Variants in RDH12 observed in about 807,000 individuals in gnomAD.
The protein encoded by RDH12 is retinol dehydrogenase 12.
RDH12 carries 21 observed loss-of-function variants against 34.0 expected under a neutral mutation model. The observed-to-expected ratio is 0.62, with a 90% CI of 0.44 to 0.89. The LOEUF (loss-of-function observed/expected upper bound fraction) is 0.89, where lower values mean the gene tolerates loss of function less well. Ranked by LOEUF, RDH12 falls within the 40% of genes least tolerant of loss-of-function variation. The probability of loss-of-function intolerance (pLI) is 0.00; values close to 1 mark genes in which losing one functional copy is unlikely to be tolerated. For synonymous variants in RDH12, 198 were observed against 169.9 expected (o/e 1.17, Z -1.29); for missense variants, 394 against 398.6 (o/e 0.99, Z 0.10).
intron 8 of RDH12, chr14:67,729,785 A>T (rs368925818): frequency 3.2e-5 from 16 of 500,678 alleles, no homozygotes; most frequent in Non-Finnish European, 6.4e-5. Flanking sequence ...TTCGGTGTGA[A>T]CTCTGTCCCT....
At chr14:67,711,582 G>A (rs2038009026) in intron 1 of RDH12, among the ~76,000 whole-genome samples, 1 of 152,090 alleles carries the variant, frequency 6.6e-6, no homozygotes, top group South Asian at 2.1e-4. Flanking sequence ...GAAACATTGT[G>A]TACACAACAC....
chr14:67,709,379 A>G (rs1433081134), intron 1 of RDH12, among the ~76,000 whole-genome samples: 1 of 152,196 alleles, frequency 6.6e-6, no homozygotes, highest in African/African-American at 2.4e-5. Context: ...TTTATAAACA[A>G]TCTATAACAT....
chr14:67,716,475 G>A (rs961822962), intron 1 of RDH12, among the ~76,000 whole-genome samples: 41 of 152,202 alleles, frequency 2.7e-4, no homozygotes, highest in Non-Finnish European at 5.1e-4. Flanking sequence ...GAAATGTTAC[G>A]CTTCTTGATT....
intron 1 of RDH12, among the ~76,000 whole-genome samples, chr14:67,712,246 C>T (rs978573959): frequency 6.7e-6 from 1 of 148,700 alleles, no homozygotes; most frequent in Admixed American, 6.8e-5. Context: ...TTAACTGGAT[C>T]TCTGAGCTCT....
At chr14:67,728,631 A>G (rs1199110330) in intron 7 of RDH12, among the ~76,000 whole-genome samples, 1 of 151,148 alleles carries the variant, frequency 6.6e-6, no homozygotes, top group Non-Finnish European at 1.5e-5. Flanking sequence ...GAAATAATAC[A>G]TTTAAAGCAT....
intron 1 of RDH12, among the ~76,000 whole-genome samples, chr14:67,713,330 GT>G (rs1460165645): frequency 7.4e-6 from 1 of 135,124 alleles, no homozygotes; most frequent in Non-Finnish European, 1.5e-5. Flanking sequence ...CCATAAAGGA[GT>G]TACCTGCTTT....
rs139269878 is a variant in RDH12 at position 67,712,792 on chromosome 14, C to T, written c.-274-8056C>T. On this transcript the variant is annotated intron_variant, in intron 1 of 8. Transcript: ENST00000551171. Reference sequence around the variant, plus strand: ...AGGCAGAACTTTAGCTATTGAACTACAGGGTGAGGTGACAGCCATTGCTTT... The same window carrying T: ...AGGCAGAACTTTAGCTATTGAACTATAGGGTGAGGTGACAGCCATTGCTTT... Among the ~76,000 whole-genome samples the T allele has an allele frequency of 1.7e-3, 255 of 152,224 alleles. 2 individuals carry two copies. Among genetic ancestry groups the T allele is most frequent in the African/African-American group, 5.2e-3 (217 of 41,538 alleles).
chr14:67,711,578 T>C (rs574792224), intron 1 of RDH12, among the ~76,000 whole-genome samples: 1 of 152,352 alleles, frequency 6.6e-6, no homozygotes, highest in Admixed American at 6.5e-5. Context: ...TAGTGAAACA[T>C]TGTGTACACA....
chr14:67,722,790 G>C (rs929733030), intron 3 of RDH12, 80 bp downstream of exon 3: 2 of 1,177,394 alleles, frequency 1.7e-6, no homozygotes, highest in African/African-American at 1.5e-5. Flanking sequence ...TGAAAGAAGA[G>C]AAAGGGAAGG....
At chr14:67,717,103 T>C (rs2038077271) in intron 1 of RDH12, among the ~76,000 whole-genome samples, 3 of 152,124 alleles carry the variant, frequency 2.0e-5, no homozygotes, top group Non-Finnish European at 1.5e-5. Context: ...CATGTATATA[T>C]ATCATTCATT....
At chr14:67,703,677 T>A (rs548214672) in intron 1 of RDH12, among the ~76,000 whole-genome samples, 1 of 152,260 alleles carries the variant, frequency 6.6e-6, no homozygotes, top group South Asian at 2.1e-4. Flanking sequence ...ACCCAGTATG[T>A]CTTTTTTTAT....
chr14:67,727,523 C>T (rs1443124036), intron 7 of RDH12: 1 of 335,544 alleles, frequency 3.0e-6, no homozygotes, highest in Non-Finnish European at 5.7e-6. Flanking sequence ...GCTCTTGTCG[C>T]CCAGGCTGGA....
intron 8 of RDH12, among the ~76,000 whole-genome samples, chr14:67,732,307 G>T (rs1267441285): frequency 6.6e-6 from 1 of 151,260 alleles, no homozygotes; most frequent in Non-Finnish European, 1.5e-5. Flanking sequence ...GCATTGTGGT[G>T]CATGCCTGTA....
intron 3 of RDH12, among the ~76,000 whole-genome samples, chr14:67,723,408 A>T (rs2038147925): frequency 6.6e-6 from 1 of 152,048 alleles, no homozygotes; most frequent in Non-Finnish European, 1.5e-5. Flanking sequence ...TACTTTTTAA[A>T]TTTTTTGTGG....
intron 1 of RDH12, chr14:67,706,402 A>G (rs1270387318): frequency 6.6e-6 from 1 of 152,188 alleles, no homozygotes; most frequent in Non-Finnish European, 1.5e-5. Flanking sequence ...CAGCCTTCGG[A>G]GGGCCTGACA....
intron 4 of RDH12, 113 bp from the exon 5 acceptor site, chr14:67,724,986 T>G: frequency 8.1e-7 from 1 of 1,231,124 alleles, no homozygotes; most frequent in Non-Finnish European, 1.2e-6. Context: ...ACTCTACCGT[T>G]GAAGGATGGC....
intron 1 of RDH12, among the ~76,000 whole-genome samples, chr14:67,718,928 G>A (rs761820139): frequency 2.6e-5 from 4 of 152,162 alleles, no homozygotes; most frequent in African/African-American, 7.2e-5. Context: ...AAAATGATAC[G>A]GTTTTCAACA....
intron 7 of RDH12, 40 bp from the exon 8 acceptor site, chr14:67,729,151 A>C (rs753564958): frequency 5.4e-5 from 87 of 1,601,468 alleles, no homozygotes; most frequent in Non-Finnish European, 7.1e-5. Context: ...TCCTGGGCTC[A>C]GAGTGTGTCC....
At chr14:67,722,982 A>G (rs2038142792) in intron 3 of RDH12, among the ~76,000 whole-genome samples, 1 of 152,174 alleles carries the variant, frequency 6.6e-6, no homozygotes, top group Non-Finnish European at 1.5e-5. Flanking sequence ...TGACTCTGTC[A>G]AGTAGCTCAA....
Sources: gnomAD v4.1 joint callset for allele counts (sites outside exome capture counted in the v4.1 genomes callset) on GRCh38, gnomAD v4.1.1 for gene constraint, MANE v1.5 for transcripts, NCBI Gene and HGNC (gene_info 2026-07-23, HGNC 2026-07-21) for gene names.